The following PCDH9 variants were observed in gnomAD, a reference collection of about 807,000 sequenced individuals.
PCDH9 encodes the protein protocadherin 9, also known as protocadherin-9.
Under a neutral mutation model 70.6 loss-of-function variants are expected in PCDH9, and 24 were observed. The ratio of observed to expected loss-of-function variants is 0.34; its 90% CI spans 0.25 to 0.48. The LOEUF is 0.48. Among genes scored for constraint, PCDH9 ranks in the 20% least tolerant of loss-of-function variants. The pLI is 0.99. For synonymous variants in PCDH9, 562 were observed against 558.5 expected (o/e 1.01, Z -0.09); for missense variants, 1,281 against 1,503.6 (o/e 0.85, Z 2.45).
chr13:66,939,729 A>G (rs1053421744), intron 2 of PCDH9, among the ~76,000 whole-genome samples: 1 of 152,050 alleles, frequency 6.6e-6, no homozygotes, highest in Non-Finnish European at 1.5e-5. Context: ...TAAAGTGTAT[A>G]TATCTAAATA....
intron 4 of PCDH9, among the ~76,000 whole-genome samples, chr13:66,462,313 A>G (rs146751879): frequency 2.6e-4 from 40 of 152,040 alleles, no homozygotes; most frequent in African/African-American, 9.4e-4. Flanking sequence ...GAGTTAATGC[A>G]TATTTTGAAA....
At chr13:66,744,968 A>G (rs2079335856) in intron 3 of PCDH9, among the ~76,000 whole-genome samples, 1 of 152,164 alleles carries the variant, frequency 6.6e-6, no homozygotes, top group Non-Finnish European at 1.5e-5. Context: ...ACATTCACCT[A>G]TATGAAATGA....
At chr13:66,945,205 A>AGGC (rs2083069588) in intron 2 of PCDH9, among the ~76,000 whole-genome samples, 1 of 151,660 alleles carries the variant, frequency 6.6e-6, no homozygotes, top group African/African-American at 2.4e-5. Flanking sequence ...CCTGCCTAAA[A>AGGC]AGGCAACATT....
intron 3 of PCDH9, among the ~76,000 whole-genome samples, chr13:66,631,877 A>G (rs2077576358): frequency 6.6e-6 from 1 of 152,024 alleles, no homozygotes; most frequent in South Asian, 2.1e-4. Flanking sequence ...TTCCTACAGT[A>G]CCACCTCCTT....
At chr13:67,088,334 A>C (rs971984342) in intron 2 of PCDH9, among the ~76,000 whole-genome samples, 2 of 152,040 alleles carry the variant, frequency 1.3e-5, no homozygotes, top group Non-Finnish European at 2.9e-5. Flanking sequence ...AGTCAAGACT[A>C]GACCGCAGGC....
chr13:67,083,131 A>G (rs1433359867), intron 2 of PCDH9, among the ~76,000 whole-genome samples: 1 of 152,156 alleles, frequency 6.6e-6, no homozygotes, highest in African/African-American at 2.4e-5. Context: ...TATAAAAAGT[A>G]TAGTTAATCT....
At chr13:67,018,757 T>A (rs1449911680) in intron 2 of PCDH9, among the ~76,000 whole-genome samples, 4 of 152,106 alleles carry the variant, frequency 2.6e-5, no homozygotes, top group Admixed American at 2.6e-4. Context: ...TTCACTGGAA[T>A]GCCCCTGTTC....
chr13:66,913,866 T>C (rs879741524), intron 2 of PCDH9, among the ~76,000 whole-genome samples: 1 of 152,020 alleles, frequency 6.6e-6, no homozygotes, highest in Non-Finnish European at 1.5e-5. Flanking sequence ...TAAAACTAAA[T>C]TATGATTTTT....
intron 4 of PCDH9, among the ~76,000 whole-genome samples, chr13:66,469,161 A>G (rs1453950924): frequency 6.6e-6 from 1 of 152,122 alleles, no homozygotes; most frequent in Non-Finnish European, 1.5e-5. Flanking sequence ...AAATCCAGCT[A>G]AAATTTTTCA....
At chr13:66,903,254 T>C (rs2082306199) in intron 3 of PCDH9, among the ~76,000 whole-genome samples, 1 of 151,842 alleles carries the variant, frequency 6.6e-6, no homozygotes, top group African/African-American at 2.4e-5. Context: ...ATCAGTACTT[T>C]TCATTCCATG....
rs1444512203 is a variant in PCDH9, at chr13:66,647,980, G to A, written c.3139-16569C>T. Among the ~76,000 whole-genome samples, 7 of 152,250 alleles carry A rather than the reference G, an allele frequency of 4.6e-5. No individual in the cohort carries two copies. In the East Asian group the frequency reaches 7.8e-4, roughly 17 times the overall value. On this transcript the variant is annotated intron_variant, in intron 3 of 4. Transcript: ENST00000377865. ...GGAGAAATTCTACTACTTGTGGAAAGGAGAAGAAAGGGTGGGAAAATCTTG... is the reference window on the plus strand; with the variant it reads ...GGAGAAATTCTACTACTTGTGGAAAAGAGAAGAAAGGGTGGGAAAATCTTG...
intron 3 of PCDH9, among the ~76,000 whole-genome samples, chr13:66,791,861 G>A (rs1015403197): frequency 2.0e-5 from 3 of 151,940 alleles, no homozygotes; most frequent in Non-Finnish European, 4.4e-5. Context: ...AATATAGTGT[G>A]ACAGATATAC....
chr13:66,477,891 C>T lies in PCDH9; in HGVS notation c.3340+153319G>A, dbSNP rs973626257. On this transcript the variant is annotated intron_variant, in intron 4 of 4. Coordinates refer to ENST00000377865, the MANE Select transcript of PCDH9 (RefSeq NM_203487.3). Reference sequence around the variant, plus strand: ...TCTCTTCAGGATGATCTCAGATGATCGTGATACTCTACCAAGGCATGATTA... The same window carrying T: ...TCTCTTCAGGATGATCTCAGATGATTGTGATACTCTACCAAGGCATGATTA... 4.6e-5 allele frequency among the ~76,000 whole-genome samples: 7 copies of T among 152,228 alleles called. No homozygotes were observed. The South Asian group carries it at 8.3e-4, about 18-fold the overall frequency.
chr13:66,843,901 T>C (rs1566234319), intron 3 of PCDH9, among the ~76,000 whole-genome samples: 1 of 152,218 alleles, frequency 6.6e-6, no homozygotes, highest in African/African-American at 2.4e-5. Context: ...ATATCATGTA[T>C]GTAAGTGCAT....
At chr13:66,730,202 C>T (rs1209062735) in intron 3 of PCDH9, among the ~76,000 whole-genome samples, 1 of 151,980 alleles carries the variant, frequency 6.6e-6, no homozygotes, top group Non-Finnish European at 1.5e-5. Context: ...TGGAATCTTT[C>T]TTTTTCTTCT....
intron 3 of PCDH9, among the ~76,000 whole-genome samples, chr13:66,639,987 T>C (rs2077687554): frequency 6.6e-6 from 1 of 152,084 alleles, no homozygotes; most frequent in Non-Finnish European, 1.5e-5. Context: ...TGTACAGAAA[T>C]ATGGAGGAAA....
chr13:66,676,039 T>C (rs1213313631), intron 3 of PCDH9, among the ~76,000 whole-genome samples: 1 of 152,188 alleles, frequency 6.6e-6, no homozygotes, highest in Non-Finnish European at 1.5e-5. Flanking sequence ...TCTAGACGAT[T>C]TTGACATCCA....
intron 3 of PCDH9, among the ~76,000 whole-genome samples, chr13:66,845,871 C>A (rs75833055): frequency 0.033 from 5,072 of 152,176 alleles, 272 homozygotes; most frequent in African/African-American, 0.11. Flanking sequence ...AATACTACTA[C>A]TAATAATAAA....
intron 3 of PCDH9, chr13:66,782,870 T>C (rs2080022364): frequency 6.6e-6 from 1 of 152,246 alleles, no homozygotes; most frequent in Non-Finnish European, 1.5e-5. Flanking sequence ...TAATGGATAT[T>C]ATTAATGTTT....
Sources: allele counts gnomAD v4.1 joint callset (sites outside exome capture counted in the v4.1 genomes callset), GRCh38; gene constraint gnomAD v4.1.1; transcripts MANE v1.5; gene names NCBI Gene and HGNC (gene_info 2026-07-23, HGNC 2026-07-21).